The following PLEKHG5 variants were observed in gnomAD, a reference collection of about 807,000 sequenced individuals.
PLEKHG5 encodes pleckstrin homology domain-containing family G member 5.
A neutral mutation model predicts 103.8 loss-of-function variants in PLEKHG5; 52 were observed. That is an observed-to-expected ratio of 0.50 (90% CI 0.40 to 0.63). The LOEUF (loss-of-function observed/expected upper bound fraction) is 0.63, where lower values mean the gene tolerates loss of function less well. PLEKHG5 is among the 30% of genes least tolerant of loss of function. The pLI, the probability that PLEKHG5 is intolerant of heterozygous loss-of-function variation, is 0.00. For missense variants in PLEKHG5, 1,205 were observed against 1,347.6 expected, an observed-to-expected ratio of 0.89 and a Z score of 1.66; for synonymous variants, 592 against 575.5, an observed-to-expected ratio of 1.03 and a Z score of -0.41.
intron 1 of PLEKHG5, among the ~76,000 whole-genome samples, chr1:6,513,260 AC>A (rs1638527236): frequency 6.6e-6 from 1 of 152,180 alleles, no homozygotes; most frequent in Non-Finnish European, 1.5e-5. Flanking sequence ...ACCATCTCTC[AC>A]CAGGGCTGAC....
At chr1:6,481,661 A>G (rs990194912) in intron 1 of PLEKHG5, among the ~76,000 whole-genome samples, 1 of 151,714 alleles carries the variant, frequency 6.6e-6, no homozygotes, top group Non-Finnish European at 1.5e-5. Flanking sequence ...TCAGGAGATC[A>G]AGACCATCCT....
At chr1:6,496,638 C>G, upstream of PLEKHG5, 1 of 1,179,612 alleles carries the variant, frequency 8.5e-7, no homozygotes, top group Non-Finnish European at 1.2e-6. Flanking sequence ...ACTGGCCTCC[C>G]AACCGGAGGA....
Position 6,470,598 on chromosome 1 carries a change from G to C in PLEKHG5, c.1588C>G (p.Arg530Gly). Reference sequence around the variant, plus strand: ...AGCCGCTGCCGCTCCTGCCGCTGCCGCATGCACGCGTTCACGTGGTGGATG... The same window carrying C: ...AGCCGCTGCCGCTCCTGCCGCTGCCCCATGCACGCGTTCACGTGGTGGATG... ...RFIHHVNACM[R>G]QRQERQRLAA... The change falls in exon 15 of 21, where the codon CGG becomes GGG. Residue 530 changes from arginine to glycine, a missense_variant. Transcript: ENST00000377728. The C allele has an allele frequency of 6.2e-7, 1 of 1,601,138 alleles. No individual in the cohort carries two copies. The highest frequency in any genetic ancestry group is 8.5e-7 in the Non-Finnish European group (1 of 1,178,228).
chr1:6,509,240 C>T (rs567260594), intron 1 of PLEKHG5, among the ~76,000 whole-genome samples: 8 of 152,354 alleles, frequency 5.3e-5, no homozygotes, highest in East Asian at 1.9e-4. Flanking sequence ...ATTTGCCTCT[C>T]GTCCCACCTC....
At chr1:6,495,414 G>A (rs965848938), upstream of PLEKHG5, among the ~76,000 whole-genome samples, 7 of 152,316 alleles carry the variant, frequency 4.6e-5, no homozygotes, top group African/African-American at 1.4e-4. Context: ...GTGGAGGTGC[G>A]GGAGGGGAGC....
Position 6,472,584 on chromosome 1 carries a change from C to T in PLEKHG5, c.1023G>A (p.Val341=), listed in dbSNP as rs199903533. Residue 341 remains valine, a synonymous_variant, in exon 10 of 21, where the codon GTG becomes GTA. Transcript: ENST00000377728. ...AGGCCTCCGTGTGCAGCAGCTCCCA[C>T]ACCGCCTCCTGCTGGTGGCACTGCC... ...TRRQCHQQEA[V]WELLHTEASY... is the part of the protein sequence containing the mutation. 139 of 1,613,588 alleles carry T rather than the reference C, an allele frequency of 8.6e-5. No homozygotes were observed. The African/African-American group carries it at 1.6e-3, about 19-fold the overall frequency.
intron 1 of PLEKHG5, among the ~76,000 whole-genome samples, chr1:6,480,647 G>C (rs1644875192): frequency 6.7e-6 from 1 of 148,370 alleles, no homozygotes; most frequent in Admixed American, 6.6e-5. Flanking sequence ...TGCAAGGTGG[G>C]GGATTTCCTT....
rs1269874280 is a variant in PLEKHG5, at chr1:6,505,756, C to T, written c.-164-9187G>A. 6.6e-6 allele frequency among the ~76,000 whole-genome samples: 1 copy of T among 152,210 alleles called. No individual in the cohort carries two copies. Among genetic ancestry groups the T allele is most frequent in the Non-Finnish European group, 1.5e-5 (1 of 68,026 alleles). ...AGAGGCAGAGGCCAGGCCTGAAGCC[C>T]AGTGCAGGGCCCACGCTGCCCAGCC... On this transcript the variant is annotated intron_variant, in intron 1 of 21. Coordinates refer to the PLEKHG5 transcript ENST00000377740. This position sits in a 1 kb window ranked among gnomAD's most constrained non-coding sequence, Gnocchi z 4.2.
At chr1:6,468,842 C>A (rs566998006) in intron 19 of PLEKHG5, among the ~76,000 whole-genome samples, 200 bp downstream of exon 19, 1 of 152,206 alleles carries the variant, frequency 6.6e-6, no homozygotes, top group Non-Finnish European at 1.5e-5. Context: ...CAGGCAGCTA[C>A]CACGAATGGA....
At chr1:6,516,883 T>C (rs1240102379) in intron 1 of PLEKHG5, among the ~76,000 whole-genome samples, 3 of 16,560 alleles carry the variant, frequency 1.8e-4, no homozygotes, top group African/African-American at 2.9e-4. Context: ...TATATATATA[T>C]ATACACATAT....
chr1:6,519,033 G>A (rs568791554), intron 1 of PLEKHG5, among the ~76,000 whole-genome samples: 171 of 152,252 alleles, frequency 1.1e-3, no homozygotes, highest in Non-Finnish European at 1.3e-3. Context: ...TAGTAGAGAC[G>A]GGGTTTCACC....
chr1:6,482,086 G>C (rs1419792400), intron 1 of PLEKHG5, among the ~76,000 whole-genome samples: 1 of 152,156 alleles, frequency 6.6e-6, no homozygotes, highest in East Asian at 1.9e-4. Context: ...TCCCTGGACT[G>C]AGATGCTTTT....
rs987802964 is a variant in PLEKHG5, at chr1:6,490,796, C to T, written c.-88+841G>A. On this transcript the variant is annotated intron_variant, in intron 1 of 20. Coordinates refer to ENST00000377728, the MANE Select transcript of PLEKHG5 (RefSeq NM_020631.6). The surrounding 1 kb of genome is among the most constrained non-coding windows in gnomAD (Gnocchi z 8.0). The stretch of plus-strand genomic sequence containing the variant: ...GGAGGGGGTGGGGGGCGTCACTGTC[C>T]CCGAGGGGCCAGCCCTTTGCAGATC... 6.6e-6 allele frequency among the ~76,000 whole-genome samples: 1 copy of T among 152,150 alleles called. No individual in the cohort carries two copies. Among genetic ancestry groups the T allele is most frequent in the African/African-American group, 2.4e-5 (1 of 41,430 alleles).
In PLEKHG5 at chr1:6,469,591, G is replaced by A; in HGVS notation, c.1886C>T (p.Pro629Leu). The change falls in exon 17 of 21, where the codon CCA (proline) becomes CTA (leucine). Residue 629 changes from proline (P) to leucine (L), a missense_variant. Coordinates refer to ENST00000377728, the MANE Select transcript of PLEKHG5 (RefSeq NM_020631.6). ...CACAATCTTGTCCACGAGCAGGGGT[G>A]GCCTGATGACCCTGGTCCTCTCTGC... The part of the protein sequence containing the change: ...KKAERTRVIR[P>L]PLLVDKIVCR... 1 of 1,613,856 alleles carries A rather than the reference G, an allele frequency of 6.2e-7. No homozygotes were observed. The highest frequency in any genetic ancestry group is 1.1e-5 in the South Asian group (1 of 91,078).
chr1:6,475,110 T>G lies in PLEKHG5; in HGVS notation c.239A>C (p.Lys80Thr), dbSNP rs766759605. The G allele has an allele frequency of 2.5e-6, 4 of 1,611,240 alleles. No homozygotes were observed. The highest frequency in any genetic ancestry group is 3.4e-6 in the Non-Finnish European group (4 of 1,177,464). ...CTCAATGTCCACATTCAGGTCAAAT[T>G]TCAGAGTGAAGCATTCCTTGCTTGG... ...DDPSKECFTL[K>T]FDLNVDIETE... Residue 80 changes from lysine (K) to threonine (T), a missense_variant, in exon 5 of 21, where the codon AAA becomes ACA. Lys to Thr is a moderately conservative substitution (Grantham distance 78, BLOSUM62 -1). Transcript: ENST00000377728.
chr1:6,517,984 GTGCAGTGGCT>G (rs1470407265), intron 1 of PLEKHG5, among the ~76,000 whole-genome samples: 1 of 152,072 alleles, frequency 6.6e-6, no homozygotes, highest in Non-Finnish European at 1.5e-5. Flanking sequence ...CCAGGCTGGA[GTGCAGTGGCT>G]CCATCTTGGC....
intron 1 of PLEKHG5, among the ~76,000 whole-genome samples, chr1:6,483,636 G>A (rs1453352899): frequency 6.6e-6 from 1 of 152,160 alleles, no homozygotes; most frequent in Non-Finnish European, 1.5e-5. Flanking sequence ...CTGCACTCCA[G>A]CCTGGGCGAC....
At chr1:6,480,595 G>T (rs1644874292) in intron 1 of PLEKHG5, among the ~76,000 whole-genome samples, 1 of 151,656 alleles carries the variant, frequency 6.6e-6, no homozygotes, top group Admixed American at 6.6e-5. Flanking sequence ...AGCATACATA[G>T]ATGATTTTAA....
intron 14 of PLEKHG5, 30 bp from the exon 15 acceptor site, chr1:6,470,673 A>G (rs1371285167): frequency 1.9e-6 from 3 of 1,556,864 alleles, no homozygotes. Flanking sequence ...CTTCAGGTCC[A>G]GGGTCATGAC....
Sources: allele counts gnomAD v4.1 joint callset (sites outside exome capture counted in the v4.1 genomes callset), GRCh38; gene constraint gnomAD v4.1.1; non-coding constraint Gnocchi (gnomAD v3.1); transcripts MANE v1.5; gene names NCBI Gene and HGNC (gene_info 2026-07-23, HGNC 2026-07-21).